The following SPATS2 variants were observed in gnomAD, a reference collection of about 807,000 sequenced individuals.
The protein encoded by SPATS2 is spermatogenesis-associated serine-rich protein 2.
In SPATS2, 38 loss-of-function variants were observed where a neutral mutation model predicts 63.7. The observed-to-expected ratio is 0.60, with a 90% CI of 0.46 to 0.78. The LOEUF is 0.78. Ranked by LOEUF, SPATS2 falls within the 30% of genes least tolerant of loss-of-function variation. The probability of loss-of-function intolerance (pLI) is 0.00; values close to 1 mark genes in which losing one functional copy is unlikely to be tolerated. For missense variants in SPATS2, 588 were observed against 666.2 expected, an observed-to-expected ratio of 0.88 and a Z score of 1.29; for synonymous variants, 207 against 232.9, an observed-to-expected ratio of 0.89 and a Z score of 1.01.
chr12:49,492,410 C>G (rs1185786425), intron 6 of SPATS2, among the ~76,000 whole-genome samples: 1 of 147,408 alleles, frequency 6.8e-6, no homozygotes, highest in African/African-American at 2.7e-5. Flanking sequence ...TTAGTAGAGA[C>G]AGGGTTTCAC....
chr12:49,406,416 C>T (rs1216101916), intron 2 of SPATS2: 1 of 152,006 alleles, frequency 6.6e-6, no homozygotes, highest in Non-Finnish European at 1.5e-5. Flanking sequence ...TCCCCAGTAG[C>T]TGGGACTGCA....
At chr12:49,414,237 A>G (rs1944847052) in intron 2 of SPATS2, among the ~76,000 whole-genome samples, 1 of 152,182 alleles carries the variant, frequency 6.6e-6, no homozygotes, top group Non-Finnish European at 1.5e-5. Flanking sequence ...TTAATGTATT[A>G]GATAAAAGCC....
At chr12:49,443,390 A>T (rs1237661838) in intron 2 of SPATS2, among the ~76,000 whole-genome samples, 1 of 152,182 alleles carries the variant, frequency 6.6e-6, no homozygotes, top group Non-Finnish European at 1.5e-5. Flanking sequence ...ATTGACCATA[A>T]ATGTGAGGAT....
intron 8 of SPATS2, 38 bp from the exon 9 acceptor site, chr12:49,500,029 ATTC>A (rs1273039469): frequency 1.6e-6 from 2 of 1,267,386 alleles, no homozygotes; most frequent in Non-Finnish European, 2.0e-6. Context: ...CTATATAATT[ATTC>A]TTTTTTTTTT....
At chr12:49,499,502 G>A (rs1329199713) in intron 8 of SPATS2, among the ~76,000 whole-genome samples, 1 of 151,720 alleles carries the variant, frequency 6.6e-6, no homozygotes, top group Non-Finnish European at 1.5e-5. Flanking sequence ...CCAGTCTTGG[G>A]TAGTTTCTTT....
intron 2 of SPATS2, among the ~76,000 whole-genome samples, chr12:49,402,541 A>G (rs962485837): frequency 9.9e-5 from 15 of 152,082 alleles, no homozygotes; most frequent in African/African-American, 3.4e-4. Flanking sequence ...GAGTGAGTGG[A>G]ATGTAGGGTA....
chr12:49,396,885 C>G (rs746163929), intron 2 of SPATS2, among the ~76,000 whole-genome samples: 2 of 152,212 alleles, frequency 1.3e-5, no homozygotes, highest in African/African-American at 4.8e-5. Flanking sequence ...CAGCTCTGGA[C>G]TTCAGCTCTG....
intron 9 of SPATS2, among the ~76,000 whole-genome samples, chr12:49,509,810 C>CA (rs60064985): frequency 0.15 from 10,691 of 71,412 alleles, 514 homozygotes; most frequent in African/African-American, 0.21. Context: ...GAGCAAGTCT[C>CA]AAAAAAAAAA....
chr12:49,473,926 A>T (rs1193974358), intron 3 of SPATS2, among the ~76,000 whole-genome samples: 1 of 152,166 alleles, frequency 6.6e-6, no homozygotes, highest in African/African-American at 2.4e-5. Context: ...TGCTGCTGAT[A>T]AAGAAAGGAA....
chr12:49,451,094 AC>A (rs889192064), intron 2 of SPATS2, among the ~76,000 whole-genome samples: 1 of 149,094 alleles, frequency 6.7e-6, no homozygotes, highest in Non-Finnish European at 1.5e-5. Context: ...CTGGTCTCTA[AC>A]TCCTGACCTC....
intron 9 of SPATS2, among the ~76,000 whole-genome samples, chr12:49,502,618 G>C (rs1456567680): frequency 1.3e-5 from 2 of 151,944 alleles, no homozygotes; most frequent in Admixed American, 1.3e-4. Context: ...CACCACACCT[G>C]GCTAATTTTT....
At chr12:49,434,535 A>G (rs1746429638) in intron 2 of SPATS2, among the ~76,000 whole-genome samples, 1 of 152,224 alleles carries the variant, frequency 6.6e-6, no homozygotes, top group Admixed American at 6.5e-5. Context: ...CGATAAATAT[A>G]AAAACTTTAG....
At chr12:49,475,853 C>T (rs1039521000) in intron 3 of SPATS2, among the ~76,000 whole-genome samples, 14 of 152,220 alleles carry the variant, frequency 9.2e-5, no homozygotes, top group Middle Eastern at 6.8e-3. Flanking sequence ...TGAGAGATGT[C>T]CTGGAGACAG....
chr12:49,469,561 A>C (rs748108960), intron 3 of SPATS2: 2 of 431,508 alleles, frequency 4.6e-6, no homozygotes, highest in Non-Finnish European at 4.5e-6. Context: ...AAAAAAAAAA[A>C]AAAGAAAAAA....
intron 3 of SPATS2, among the ~76,000 whole-genome samples, chr12:49,465,150 T>C (rs886972612): frequency 2.6e-5 from 4 of 152,246 alleles, no homozygotes; most frequent in Non-Finnish European, 5.9e-5. Flanking sequence ...TGTGCTGTTA[T>C]GAATGATTGT....
chr12:49,516,152 AAAAAAAAAAAAAAAAT>A (rs1170976872), intron 10 of SPATS2, among the ~76,000 whole-genome samples: 17 of 41,416 alleles, frequency 4.1e-4, no homozygotes, highest in Non-Finnish European at 5.5e-4. Flanking sequence ...AAAAAAAAAA[AAAAAAAAAAAAAAAAT>A]ATATATATAT....
chr12:49,391,919 CTCAG>C (rs1222372894), intron 2 of SPATS2, among the ~76,000 whole-genome samples: 5 of 152,214 alleles, frequency 3.3e-5, no homozygotes, highest in East Asian at 1.9e-4. Context: ...GATTTCTTTT[CTCAG>C]TCAGAGGCCT....
chr12:49,513,040 C>T (rs1477560386), intron 9 of SPATS2: 6 of 613,036 alleles, frequency 9.8e-6, no homozygotes, highest in African/African-American at 1.9e-5. Flanking sequence ...TCATGCGTAA[C>T]GATTATCAAA....
intron 2 of SPATS2, among the ~76,000 whole-genome samples, chr12:49,423,769 G>T (rs551331439): frequency 1.4e-4 from 21 of 152,168 alleles, no homozygotes; most frequent in Non-Finnish European, 2.8e-4. Context: ...ATGTTGTTGT[G>T]TAACATGAAT....
Sources: allele counts gnomAD v4.1 joint callset (sites outside exome capture counted in the v4.1 genomes callset), GRCh38; gene constraint gnomAD v4.1.1; transcripts MANE v1.5; gene names NCBI Gene and HGNC (gene_info 2026-07-23, HGNC 2026-07-21).